CUX2: variants seen among roughly 807,000 people sequenced by gnomAD.
CUX2 encodes homeobox protein cut-like 2.
In CUX2, 40 loss-of-function variants were observed where a neutral mutation model predicts 144.8. The observed-to-expected ratio is 0.28, with a 90% CI of 0.21 to 0.36. The LOEUF is 0.36. Among genes scored for constraint, CUX2 ranks in the 10% least tolerant of loss-of-function variants. The pLI is 1.00. For missense variants in CUX2, 1,615 were observed against 1,994.0 expected (o/e 0.81, Z 3.62); for synonymous variants, 827 against 875.6 (o/e 0.94, Z 0.98).
chr12:111,083,965 T>C (rs2136045703), intron 1 of CUX2, among the ~76,000 whole-genome samples: 1 of 152,230 alleles, frequency 6.6e-6, no homozygotes. Context: ...CAGGGCCATC[T>C]CCTCGAGTAC....
chr12:111,257,026 C>T (rs1212135202), intron 3 of CUX2, among the ~76,000 whole-genome samples: 1 of 152,118 alleles, frequency 6.6e-6, no homozygotes, highest in Non-Finnish European at 1.5e-5. Context: ...TTGACTCGCC[C>T]CTGGCAGAAG....
intron 1 of CUX2, among the ~76,000 whole-genome samples, chr12:111,172,388 C>A (rs1340982783): frequency 1.3e-5 from 2 of 152,244 alleles, no homozygotes; most frequent in Non-Finnish European, 2.9e-5. Context: ...TAACAACCCG[C>A]TGGTTCTTGG....
intron 1 of CUX2, among the ~76,000 whole-genome samples, chr12:111,113,537 C>G (rs1592907950): frequency 6.6e-6 from 1 of 151,826 alleles, no homozygotes; most frequent in African/African-American, 2.4e-5. Context: ...TTGAATCTAA[C>G]TTCTTTAATT....
intron 1 of CUX2, among the ~76,000 whole-genome samples, chr12:111,156,659 C>T (rs1402449340): frequency 6.6e-6 from 1 of 152,146 alleles, no homozygotes; most frequent in Non-Finnish European, 1.5e-5. Flanking sequence ...CAAAGCACAA[C>T]CTTAGCAAAC....
chr12:111,149,062 G>A (rs931196340), intron 1 of CUX2, among the ~76,000 whole-genome samples: 6 of 152,042 alleles, frequency 3.9e-5, no homozygotes, highest in South Asian at 2.1e-4. Flanking sequence ...ATAGTATTGC[G>A]GTTCAGAGAG....
At chr12:111,143,861 C>T (rs1330345637) in intron 1 of CUX2, among the ~76,000 whole-genome samples, 1 of 152,202 alleles carries the variant, frequency 6.6e-6, no homozygotes, top group East Asian at 1.9e-4. Flanking sequence ...GTCAGCACCT[C>T]CCAGGATTCC....
At chr12:111,070,288 C>T (rs995931751) in intron 1 of CUX2, among the ~76,000 whole-genome samples, 3 of 152,110 alleles carry the variant, frequency 2.0e-5, no homozygotes, top group African/African-American at 4.8e-5. Flanking sequence ...GAAATAAAAC[C>T]GTTGTTAACA....
intron 4 of CUX2, among the ~76,000 whole-genome samples, chr12:111,275,557 G>A (rs1378162489): frequency 2.0e-5 from 3 of 152,216 alleles, no homozygotes; most frequent in Non-Finnish European, 4.4e-5. Flanking sequence ...TCCAGGCAAG[G>A]AGCTGCACGG....
chr12:111,158,668 TAAAAC>T (rs896787785), intron 1 of CUX2, among the ~76,000 whole-genome samples: 2 of 151,954 alleles, frequency 1.3e-5, no homozygotes, highest in African/African-American at 4.8e-5. Flanking sequence ...TTACACGATT[TAAAAC>T]AAAACAAAAA....
At position 111,296,546 on chromosome 12, in the gene CUX2, G is replaced by A. The variant is rs749324665; in HGVS notation, c.704+7G>A. On this transcript the variant is annotated splice_region_variant and intron_variant, in intron 8 of 21. Transcript: ENST00000261726. ...ACGAGGAGGCAGCATCCAAGTAAGT[G>A]AGCCCTGCTGAGGTGTACCTCCTCC... 1 of 1,608,578 alleles carries A rather than the reference G, an allele frequency of 6.2e-7. No individual in the cohort carries two copies. Among genetic ancestry groups the A allele is most frequent in the South Asian group, 1.1e-5 (1 of 90,000 alleles).
At chr12:111,202,030 G>A (rs1880627587) in intron 1 of CUX2, among the ~76,000 whole-genome samples, 1 of 152,236 alleles carries the variant, frequency 6.6e-6, no homozygotes, top group South Asian at 2.1e-4. Flanking sequence ...CCCTCATGCA[G>A]TAGGCGTTCA....
intron 1 of CUX2, among the ~76,000 whole-genome samples, chr12:111,196,164 G>T (rs1880229285): frequency 6.6e-6 from 1 of 152,186 alleles, no homozygotes; most frequent in Non-Finnish European, 1.5e-5. Context: ...TCCAAGGTTT[G>T]CCCATGTGGT....
chr12:111,350,485 CTTTG>C lies in CUX2; in HGVS notation c.*2164_*2167del, dbSNP rs991716709. 6.6e-6 allele frequency: 1 copy of C among 152,322 alleles called. No individual in the cohort carries two copies. Among genetic ancestry groups the C allele is most frequent in the Admixed American group, 6.6e-5 (1 of 15,250 alleles). 9.4% of individuals were successfully genotyped at this position (152,322 alleles called of 1,614,324 possible). A position where few individuals can be genotyped will look rare whatever the true frequency, so the allele number is the denominator to read the frequency against. On this transcript the variant is annotated 3_prime_UTR_variant, in exon 22 of 22. Transcript: ENST00000261726. The stretch of plus-strand genomic sequence containing the variant: ...ACCGTTTCTATGAGAGATTGATGAA[CTTTG>C]TTTAAAATTTTAAAAAAAGGAACAC...
At chr12:111,075,545 G>A (rs998616882) in intron 1 of CUX2, among the ~76,000 whole-genome samples, 2 of 152,150 alleles carry the variant, frequency 1.3e-5, no homozygotes, top group Admixed American at 6.5e-5. Flanking sequence ...TGGGGGCAGC[G>A]TTCGGATGCG....
At chr12:111,274,472 G>A (rs1884767518) in intron 4 of CUX2, among the ~76,000 whole-genome samples, 1 of 152,088 alleles carries the variant, frequency 6.6e-6, no homozygotes, top group Non-Finnish European at 1.5e-5. Flanking sequence ...TGTTGGTGCT[G>A]GTGGTGGTGG....
intron 1 of CUX2, among the ~76,000 whole-genome samples, chr12:111,165,962 A>G (rs1319690441): frequency 6.6e-6 from 1 of 152,204 alleles, no homozygotes; most frequent in Non-Finnish European, 1.5e-5. Context: ...CTCTAATATT[A>G]CTAATATGAA....
chr12:111,232,686 CACAAAGAT>C lies in CUX2; in HGVS notation c.222+14750_222+14757del, dbSNP rs1882538986. ...TTGATAGCTCAGAACCTATCTAGCC[CACAAAGAT>C]GAATATATCTGACCCCTTACAGGGA... On this transcript the variant is annotated intron_variant, in intron 3 of 21. Coordinates refer to ENST00000261726, the MANE Select transcript of CUX2 (RefSeq NM_015267.4). 1.3e-5 allele frequency among the ~76,000 whole-genome samples: 2 copies of C among 152,100 alleles called. 1 individual carries two copies. Among genetic ancestry groups the C allele is most frequent in the South Asian group, 4.1e-4 (2 of 4,822 alleles).
chr12:111,079,629 C>T (rs372640924), intron 1 of CUX2, among the ~76,000 whole-genome samples: 141 of 152,276 alleles, frequency 9.3e-4, no homozygotes, highest in African/African-American at 3.2e-3. Context: ...ATTTCTCATT[C>T]CCCCATGCTC....
At chr12:111,223,919 C>T (rs1011627916) in intron 3 of CUX2, among the ~76,000 whole-genome samples, 1 of 152,146 alleles carries the variant, frequency 6.6e-6, no homozygotes, top group African/African-American at 2.4e-5. Context: ...CCACCCTGAC[C>T]CTCCATCAAC....
Sources: allele counts gnomAD v4.1 joint callset (sites outside exome capture counted in the v4.1 genomes callset), GRCh38; gene constraint gnomAD v4.1.1; transcripts MANE v1.5; gene names NCBI Gene and HGNC (gene_info 2026-07-23, HGNC 2026-07-21).